ELMO1: variants seen among roughly 807,000 people sequenced by gnomAD.
ELMO1 encodes the protein engulfment and cell motility protein 1.
A neutral mutation model predicts 98.9 loss-of-function variants in ELMO1; 26 were observed. The observed-to-expected ratio is 0.26, with a 90% CI of 0.19 to 0.36. The LOEUF is 0.36. Ranked by LOEUF, ELMO1 falls within the 10% of genes least tolerant of loss-of-function variation. The pLI, the probability that ELMO1 is intolerant of heterozygous loss-of-function variation, is 1.00. For synonymous variants in ELMO1, 346 were observed against 346.0 expected (o/e 1.00, Z 0.00); for missense variants, 627 against 935.2 (o/e 0.67, Z 4.30).
At chr7:37,316,936 T>A (rs1448467899) in intron 2 of ELMO1, among the ~76,000 whole-genome samples, 1 of 150,826 alleles carries the variant, frequency 6.6e-6, no homozygotes, top group Non-Finnish European at 1.5e-5. Flanking sequence ...CAAATCCAGC[T>A]CTATCAGCTT....
intron 5 of ELMO1, among the ~76,000 whole-genome samples, chr7:37,267,535 G>T (rs1396968511): frequency 6.6e-6 from 1 of 152,178 alleles, no homozygotes; most frequent in Admixed American, 6.5e-5. Flanking sequence ...TAAGACAAAG[G>T]TATATGTATT....
chr7:37,399,541 T>A (rs1054944704), intron 1 of ELMO1, among the ~76,000 whole-genome samples: 2 of 152,206 alleles, frequency 1.3e-5, no homozygotes, highest in Non-Finnish European at 2.9e-5. Flanking sequence ...CACTAGCTGC[T>A]GTCAAGTACA....
intron 16 of ELMO1, among the ~76,000 whole-genome samples, chr7:36,974,979 A>G (rs1790399416): frequency 1.3e-5 from 2 of 152,056 alleles, no homozygotes; most frequent in African/African-American, 4.8e-5. Flanking sequence ...GAAACTCTGA[A>G]CACATCTGAA....
intron 16 of ELMO1, among the ~76,000 whole-genome samples, chr7:36,924,988 G>C (rs901443445): frequency 1.3e-5 from 2 of 152,184 alleles, no homozygotes; most frequent in Admixed American, 1.3e-4. Flanking sequence ...GGCAAAGTCT[G>C]ATCATCTCCA....
At chr7:36,948,566 T>C (rs1396100126) in intron 16 of ELMO1, among the ~76,000 whole-genome samples, 1 of 152,200 alleles carries the variant, frequency 6.6e-6, no homozygotes, top group East Asian at 1.9e-4. Flanking sequence ...ACTTCCTCCA[T>C]ACCACAACAG....
intron 2 of ELMO1, among the ~76,000 whole-genome samples, chr7:37,331,922 G>A (rs147205680): frequency 7.1e-6 from 1 of 140,582 alleles, no homozygotes; most frequent in African/African-American, 2.6e-5. Flanking sequence ...AGGACCGTTT[G>A]AATATGCTGA....
intron 16 of ELMO1, among the ~76,000 whole-genome samples, chr7:36,931,828 T>C (rs971245718): frequency 5.9e-5 from 9 of 152,170 alleles, no homozygotes; most frequent in Non-Finnish European, 1.2e-4. Flanking sequence ...AAAGGGAGAA[T>C]GGTATTCCCT....
chr7:37,005,641 G>A (rs1315320051), intron 16 of ELMO1, among the ~76,000 whole-genome samples: 1 of 143,434 alleles, frequency 7.0e-6, no homozygotes, highest in African/African-American at 2.6e-5. Context: ...GCAGTGAGCC[G>A]AGACTGTGCC....
At chr7:37,416,092 A>T (rs1396358205) in intron 1 of ELMO1, among the ~76,000 whole-genome samples, 7 of 152,354 alleles carry the variant, frequency 4.6e-5, no homozygotes, top group Non-Finnish European at 1.0e-4. Context: ...CTACAACAGA[A>T]ATAAATGAAC....
At chr7:36,905,543 G>A (rs765188980) in intron 16 of ELMO1, among the ~76,000 whole-genome samples, 14 of 152,166 alleles carry the variant, frequency 9.2e-5, no homozygotes, top group South Asian at 4.1e-4. Context: ...AATCCTTATC[G>A]TCTTTGTTAA....
chr7:37,265,771 C>T (rs1356880202), intron 5 of ELMO1, among the ~76,000 whole-genome samples: 3 of 152,126 alleles, frequency 2.0e-5, no homozygotes, highest in African/African-American at 4.8e-5. Flanking sequence ...TGTGCTGAGC[C>T]CTCTCCTCTA....
intron 16 of ELMO1, among the ~76,000 whole-genome samples, chr7:36,905,057 C>T (rs899845747): frequency 6.6e-6 from 1 of 152,194 alleles, no homozygotes; most frequent in African/African-American, 2.4e-5. Context: ...ATAAACATGT[C>T]AAGCAAGTCA....
intron 4 of ELMO1, among the ~76,000 whole-genome samples, chr7:37,297,940 A>C (rs2131001882): frequency 6.6e-6 from 1 of 152,342 alleles, no homozygotes; most frequent in East Asian, 1.9e-4. Context: ...AGACTTAAAT[A>C]TGTTTGAAGT....
At chr7:37,308,398 A>G (rs1798723966) in intron 4 of ELMO1, among the ~76,000 whole-genome samples, 1 of 152,196 alleles carries the variant, frequency 6.6e-6, no homozygotes, top group Admixed American at 6.5e-5. Flanking sequence ...CCACATCTGG[A>G]TGGTCCTACG....
At chr7:36,938,112 C>A (rs1321887849) in intron 16 of ELMO1, among the ~76,000 whole-genome samples, 1 of 152,228 alleles carries the variant, frequency 6.6e-6, no homozygotes, top group Non-Finnish European at 1.5e-5. Context: ...ACACTCCAAG[C>A]TCACAGTCAA....
At chr7:37,046,869 A>C (rs1400805614) in intron 15 of ELMO1, among the ~76,000 whole-genome samples, 1 of 152,186 alleles carries the variant, frequency 6.6e-6, no homozygotes, top group African/African-American at 2.4e-5. Flanking sequence ...ACAAAGAACA[A>C]AGGGGTTTTC....
At chr7:37,198,751 A>T (rs1319673548) in intron 13 of ELMO1, among the ~76,000 whole-genome samples, 2 of 152,250 alleles carry the variant, frequency 1.3e-5, no homozygotes, top group East Asian at 3.8e-4. Context: ...TGTGCAAAGA[A>T]AGGATGCCAA....
rs757952783 is a variant in ELMO1, at chr7:37,421,764, G to A, written c.-74+26911C>T. Among the ~76,000 whole-genome samples, 59 of 152,310 alleles carry A rather than the reference G, an allele frequency of 3.9e-4. 1 individual carries two copies. The highest frequency in any genetic ancestry group is 3.5e-4 in the Non-Finnish European group (24 of 68,032). Reference sequence around the variant, plus strand: ...TGGATTTCTGAATATTCTTCCAACAGACAGGGATAAAAACAGCCATGCATT... The same window carrying A: ...TGGATTTCTGAATATTCTTCCAACAAACAGGGATAAAAACAGCCATGCATT... On this transcript the variant is annotated intron_variant, in intron 1 of 21. Coordinates refer to ENST00000310758, the MANE Select transcript of ELMO1 (RefSeq NM_014800.11).
rs1258816880 is a variant in ELMO1 at position 36,854,029 on chromosome 7, A to G, written c.*1522T>C. ...TTAGACCCATTCTATAAATTATATC[A>G]TGGTAAGAAAGAAAAAAGAGAAAGT... On this transcript the variant is annotated 3_prime_UTR_variant, in exon 22 of 22. Transcript: ENST00000310758. Among the ~76,000 whole-genome samples the G allele has an allele frequency of 6.6e-6, 1 of 152,198 alleles. No individual in the cohort carries two copies. The highest frequency in any genetic ancestry group is 1.5e-5 in the Non-Finnish European group (1 of 68,040).
Sources: gnomAD v4.1 joint callset for allele counts (sites outside exome capture counted in the v4.1 genomes callset) on GRCh38, gnomAD v4.1.1 for gene constraint, MANE v1.5 for transcripts, NCBI Gene and HGNC (gene_info 2026-07-23, HGNC 2026-07-21) for gene names.